Variants in CTDSPL observed in about 807,000 individuals in gnomAD.
CTDSPL encodes the protein CTD small phosphatase-like protein.
In CTDSPL, 8 loss-of-function variants were observed where a neutral mutation model predicts 30.5. The ratio of observed to expected loss-of-function variants is 0.26; its 90% CI spans 0.15 to 0.47. CTDSPL has a LOEUF of 0.47. Among genes scored for constraint, CTDSPL ranks in the 20% least tolerant of loss-of-function variants. The pLI is 0.99. For synonymous variants in CTDSPL, 110 were observed against 137.9 expected (o/e 0.80, Z 1.42); for missense variants, 248 against 366.1 (o/e 0.68, Z 2.63).
chr3:37,980,294 A>G (rs535246878), intron 7 of CTDSPL, among the ~76,000 whole-genome samples: 3 of 152,334 alleles, frequency 2.0e-5, no homozygotes, highest in African/African-American at 4.8e-5. Context: ...AATATTGCAC[A>G]GTGACCCTAA....
intron 7 of CTDSPL, among the ~76,000 whole-genome samples, chr3:37,977,823 G>C (rs1699446831): frequency 1.3e-5 from 2 of 152,040 alleles, no homozygotes; most frequent in South Asian, 4.1e-4. Flanking sequence ...CTTGAGCCCA[G>C]GAGGTCGAGG....
chr3:37,909,124 T>G (rs1698551781), intron 1 of CTDSPL, among the ~76,000 whole-genome samples: 1 of 152,210 alleles, frequency 6.6e-6, no homozygotes, highest in Admixed American at 6.5e-5. Context: ...GATACCCTTT[T>G]GGCTAAATTC....
At chr3:37,918,288 C>G (rs867641696) in intron 1 of CTDSPL, among the ~76,000 whole-genome samples, 3 of 152,086 alleles carry the variant, frequency 2.0e-5, no homozygotes, top group Admixed American at 6.6e-5. Flanking sequence ...TCAGGAAATT[C>G]TGCAAAGTCT....
chr3:37,968,165 T>C (rs1575322245), intron 5 of CTDSPL: 7 of 459,520 alleles, frequency 1.5e-5, no homozygotes, highest in Admixed American at 3.2e-5. Flanking sequence ...CTGGCCTAGC[T>C]TGATGGTCTA....
intron 5 of CTDSPL, among the ~76,000 whole-genome samples, chr3:37,971,051 C>T (rs1222262239): frequency 6.6e-6 from 1 of 152,216 alleles, no homozygotes; most frequent in Non-Finnish European, 1.5e-5. Flanking sequence ...CAGGTCCTGA[C>T]CCTCAGCAGG....
chr3:37,864,849 A>T (rs146756653), intron 1 of CTDSPL, among the ~76,000 whole-genome samples: 1 of 152,194 alleles, frequency 6.6e-6, no homozygotes, highest in Non-Finnish European at 1.5e-5. Context: ...GTTTTATAAT[A>T]GGGAAGAAAC....
At chr3:37,953,730 A>G (rs1378795496) in intron 2 of CTDSPL, among the ~76,000 whole-genome samples, 1 of 152,232 alleles carries the variant, frequency 6.6e-6, no homozygotes, top group Non-Finnish European at 1.5e-5. Context: ...TAGCCCATAA[A>G]TCTTTATATA....
At chr3:37,934,762 T>C (rs1285376595) in intron 1 of CTDSPL, among the ~76,000 whole-genome samples, 2 of 152,240 alleles carry the variant, frequency 1.3e-5, no homozygotes, top group Non-Finnish European at 2.9e-5. Flanking sequence ...TTGAGCTATC[T>C]CTGGAAGGAT....
intron 3 of CTDSPL, among the ~76,000 whole-genome samples, chr3:37,961,435 G>A (rs1244598425): frequency 1.3e-5 from 2 of 152,132 alleles, no homozygotes; most frequent in African/African-American, 4.8e-5. Context: ...CGCCACTGAG[G>A]CTGTGTCCTG....
At chr3:37,867,644 T>A (rs951951702) in intron 1 of CTDSPL, among the ~76,000 whole-genome samples, 1 of 152,194 alleles carries the variant, frequency 6.6e-6, no homozygotes, top group Non-Finnish European at 1.5e-5. Flanking sequence ...TTTTTAAAAA[T>A]TTTTATTTTG....
At chr3:37,925,067 CT>C (rs1698765834) in intron 1 of CTDSPL, among the ~76,000 whole-genome samples, 1 of 152,188 alleles carries the variant, frequency 6.6e-6, no homozygotes. Context: ...TTATTGCCTC[CT>C]GTAACTTTCC....
chr3:37,924,578 A>C (rs1474629750), intron 1 of CTDSPL, among the ~76,000 whole-genome samples: 1 of 152,198 alleles, frequency 6.6e-6, no homozygotes, highest in Non-Finnish European at 1.5e-5. Flanking sequence ...AACAAAAGTA[A>C]ATATTTGGGG....
intron 1 of CTDSPL, among the ~76,000 whole-genome samples, chr3:37,870,196 G>A (rs1273601218): frequency 6.6e-6 from 1 of 151,968 alleles, no homozygotes; most frequent in African/African-American, 2.4e-5. Context: ...AGGGATGGGG[G>A]TTGGGGGGAA....
intron 1 of CTDSPL, among the ~76,000 whole-genome samples, chr3:37,897,618 A>T (rs1373746830): frequency 6.6e-6 from 1 of 152,146 alleles, no homozygotes; most frequent in Non-Finnish European, 1.5e-5. Flanking sequence ...GTATTGAACC[A>T]TTGGGTGAGC....
intron 1 of CTDSPL, among the ~76,000 whole-genome samples, chr3:37,864,611 C>T (rs1008085012): frequency 6.6e-6 from 1 of 152,058 alleles, no homozygotes; most frequent in East Asian, 1.9e-4. Flanking sequence ...TCGCAATAAA[C>T]TCTAGAGTCA....
chr3:37,942,001 G>A (rs1698984387), intron 1 of CTDSPL, among the ~76,000 whole-genome samples: 1 of 150,298 alleles, frequency 6.7e-6, no homozygotes, highest in African/African-American at 2.4e-5. Context: ...TGGGGAGGGA[G>A]AGTGTATGCT....
intron 1 of CTDSPL, among the ~76,000 whole-genome samples, chr3:37,909,034 C>T (rs1193053338): frequency 1.3e-5 from 2 of 152,156 alleles, no homozygotes; most frequent in Non-Finnish European, 2.9e-5. Context: ...CGAAATTTTA[C>T]ATAAAGTGTT....
chr3:37,913,951 G>A (rs1426962970), intron 1 of CTDSPL, among the ~76,000 whole-genome samples: 1 of 152,158 alleles, frequency 6.6e-6, no homozygotes, highest in Admixed American at 6.5e-5. Flanking sequence ...TCTGTTTCCA[G>A]TTCCTACAAA....
intron 4 of CTDSPL, among the ~76,000 whole-genome samples, 182 bp downstream of exon 4, chr3:37,964,854 C>T (rs1409312478): frequency 6.6e-6 from 1 of 152,164 alleles, no homozygotes; most frequent in African/African-American, 2.4e-5. Context: ...TGAATATTAA[C>T]ATAATTAGTT....
Sources: allele counts gnomAD v4.1 joint callset (sites outside exome capture counted in the v4.1 genomes callset), GRCh38; gene constraint gnomAD v4.1.1; transcripts MANE v1.5; gene names NCBI Gene and HGNC (gene_info 2026-07-23, HGNC 2026-07-21).